The following TAF3 variants were observed in gnomAD, a reference collection of about 807,000 sequenced individuals.
The protein encoded by TAF3 is TATA-box binding protein associated factor 3.
In TAF3, 7 loss-of-function variants were observed where a neutral mutation model predicts 80.6. The observed-to-expected ratio is 0.09, with a 90% CI of 0.05 to 0.16. The LOEUF (loss-of-function observed/expected upper bound fraction) is 0.16. Ranked by LOEUF, TAF3 falls within the 10% of genes least tolerant of loss-of-function variation. TAF3 has a pLI of 1.00. For synonymous variants in TAF3, 444 were observed against 446.1 expected (o/e 1.00, Z 0.06); for missense variants, 921 against 1,140.2 (o/e 0.81, Z 2.77).
intron 2 of TAF3, among the ~76,000 whole-genome samples, chr10:7,881,799 A>G (rs534847648): frequency 4.6e-5 from 7 of 152,332 alleles, no homozygotes; most frequent in African/African-American, 1.7e-4. Context: ...AATTTCCTTT[A>G]CTGTGTAACT....
At chr10:7,923,039 C>T (rs972579416) in intron 2 of TAF3, among the ~76,000 whole-genome samples, 2 of 152,150 alleles carry the variant, frequency 1.3e-5, no homozygotes, top group East Asian at 3.9e-4. Context: ...TTAATTATCT[C>T]ATGCTATCAT....
In TAF3 at chr10:7,829,825, G is replaced by A. The variant is rs140218010; in HGVS notation, c.409+5265G>A. ...TTAAGGAATGGGAGTTATGCGTCCC[G>A]CTTTGAAGGTGGAATATCTGCATAT... is the stretch of plus-strand genomic sequence containing the variant. On this transcript the variant is annotated intron_variant, in intron 2 of 6. Transcript: ENST00000344293. Among the ~76,000 whole-genome samples the A allele has an allele frequency of 2.3e-3, 347 of 152,248 alleles. 2 individuals carry two copies. The highest frequency in any genetic ancestry group is 7.8e-3 in the African/African-American group (325 of 41,548).
intron 4 of TAF3, among the ~76,000 whole-genome samples, chr10:7,979,368 A>T (rs1831704209): frequency 6.6e-6 from 1 of 152,064 alleles, no homozygotes; most frequent in East Asian, 1.9e-4. Flanking sequence ...AAATGAAAAA[A>T]AAAAAAAAGG....
chr10:7,966,680 A>G (rs1189227868), intron 3 of TAF3, among the ~76,000 whole-genome samples: 2 of 152,176 alleles, frequency 1.3e-5, no homozygotes, highest in Admixed American at 6.5e-5. Flanking sequence ...AATAATACCC[A>G]GTAGTTTTGT....
chr10:7,903,620 A>G (rs1837580270), intron 2 of TAF3, among the ~76,000 whole-genome samples: 2 of 152,252 alleles, frequency 1.3e-5, no homozygotes, highest in African/African-American at 4.8e-5. Context: ...TGCTTAGCTG[A>G]TGCAGTTTAG....
chr10:7,994,806 T>TA (rs1244609074), intron 4 of TAF3, among the ~76,000 whole-genome samples: 13 of 94,056 alleles, frequency 1.4e-4, no homozygotes, highest in African/African-American at 5.1e-4. Flanking sequence ...CTACTAAAAA[T>TA]ACCAAAAAAA....
Position 8,015,621 on chromosome 10 carries a change from AC to A in TAF3, c.*871del, listed in dbSNP as rs2131445047. ...TGTGATTTCAGCCAGGTCTGTAATG[AC>A]GCTGGACAGAAACAAGGCTAGAGAA... is the stretch of plus-strand genomic sequence containing the variant. On this transcript the variant is annotated 3_prime_UTR_variant, in exon 7 of 7. Coordinates refer to ENST00000344293, the MANE Select transcript of TAF3 (RefSeq NM_031923.4). 6.6e-6 allele frequency: 1 copy of A among 152,282 alleles called. No individual in the cohort carries two copies. Among genetic ancestry groups the A allele is most frequent in the African/African-American group, 2.4e-5 (1 of 41,568 alleles). 9.4% of individuals were successfully genotyped at this position (152,282 alleles called of 1,614,324 possible).
intron 2 of TAF3, among the ~76,000 whole-genome samples, chr10:7,831,187 A>G (rs1035962069): frequency 8.5e-5 from 13 of 152,206 alleles, no homozygotes; most frequent in African/African-American, 2.9e-4. Context: ...CATAGTTTAT[A>G]TAGGGAAAGC....
chr10:7,963,347 T>A (rs1831529537), intron 2 of TAF3, among the ~76,000 whole-genome samples: 1 of 152,144 alleles, frequency 6.6e-6, no homozygotes, highest in African/African-American at 2.4e-5. Context: ...AAATAATTAA[T>A]TCAGGAAACA....
At chr10:7,880,273 C>T (rs554596628) in intron 2 of TAF3, among the ~76,000 whole-genome samples, 9 of 152,216 alleles carry the variant, frequency 5.9e-5, no homozygotes, top group African/African-American at 2.2e-4. Context: ...GTAACTTACT[C>T]CTTAGACTTT....
intron 2 of TAF3, among the ~76,000 whole-genome samples, chr10:7,959,290 A>G (rs2131409036): frequency 6.6e-6 from 1 of 152,368 alleles, no homozygotes; most frequent in South Asian, 2.1e-4. Context: ...ACAAATAAAA[A>G]TAAGAAACCT....
intron 4 of TAF3, among the ~76,000 whole-genome samples, chr10:7,988,752 GAAAAAA>G (rs56395044): frequency 2.5e-4 from 23 of 92,886 alleles, no homozygotes; most frequent in Non-Finnish European, 3.9e-4. Context: ...CTGTCTCTCA[GAAAAAA>G]AAAAAAAAAA....
At chr10:7,938,522 C>A (rs553215783) in intron 2 of TAF3, among the ~76,000 whole-genome samples, 42 of 151,488 alleles carry the variant, frequency 2.8e-4, no homozygotes, top group African/African-American at 9.9e-4. Flanking sequence ...ACTCATGTCT[C>A]TAGTTGACTG....
Position 7,874,119 on chromosome 10 carries a change from C to T in TAF3, c.409+49559C>T, listed in dbSNP as rs145794812. Among the ~76,000 whole-genome samples, 1,132 of 152,250 alleles carry T rather than the reference C, an allele frequency of 7.4e-3. 9 individuals are homozygous for T. Among genetic ancestry groups the T allele is most frequent in the Non-Finnish European group, 0.011 (733 of 68,018 alleles). ...TGATTTTTTAAAGCTGTGAGCTTGTCATATAAAATATACCTCTTATTGTTT... is the reference window on the plus strand; with the variant it reads ...TGATTTTTTAAAGCTGTGAGCTTGTTATATAAAATATACCTCTTATTGTTT... On this transcript the variant is annotated intron_variant, in intron 2 of 6. Transcript: ENST00000344293.
chr10:7,986,941 A>G (rs892649776), intron 4 of TAF3, among the ~76,000 whole-genome samples: 4 of 152,248 alleles, frequency 2.6e-5, no homozygotes, highest in African/African-American at 9.6e-5. Context: ...TATGTAACCT[A>G]GAAAGCAGAA....
intron 5 of TAF3, 144 bp from the exon 6 acceptor site, chr10:8,013,587 A>G: frequency 3.4e-6 from 2 of 587,034 alleles, no homozygotes; most frequent in East Asian, 5.7e-5. Context: ...TCATGGCATT[A>G]ATGAAGTGCT....
At chr10:8,001,715 T>C (rs1411767850) in intron 4 of TAF3, among the ~76,000 whole-genome samples, 1 of 152,222 alleles carries the variant, frequency 6.6e-6, no homozygotes, top group Admixed American at 6.5e-5. Context: ...TGTTTTCTTT[T>C]ACCTAATTTT....
intron 2 of TAF3, among the ~76,000 whole-genome samples, chr10:7,878,640 A>G (rs1182957627): frequency 6.6e-6 from 1 of 152,206 alleles, no homozygotes; most frequent in Non-Finnish European, 1.5e-5. Flanking sequence ...CCCAGAGGCC[A>G]CTAGCTTATA....
intron 2 of TAF3, among the ~76,000 whole-genome samples, chr10:7,945,508 T>C (rs1033636178): frequency 1.3e-5 from 2 of 152,204 alleles, no homozygotes; most frequent in African/African-American, 4.8e-5. Flanking sequence ...TCTTCCCTTC[T>C]TCTAGTTAAG....
Sources: allele counts gnomAD v4.1 joint callset (sites outside exome capture counted in the v4.1 genomes callset), GRCh38; gene constraint gnomAD v4.1.1; transcripts MANE v1.5; gene names NCBI Gene and HGNC (gene_info 2026-07-23, HGNC 2026-07-21).